The following MRTFA variants were observed in gnomAD, a reference collection of about 807,000 sequenced individuals.
MRTFA encodes the protein myocardin-related transcription factor A.
A neutral mutation model predicts 83.5 loss-of-function variants in MRTFA; 20 were observed. That is an observed-to-expected ratio of 0.24 (90% CI 0.17 to 0.35). The LOEUF (loss-of-function observed/expected upper bound fraction) is 0.35. Ranked by LOEUF, MRTFA falls within the 10% of genes least tolerant of loss-of-function variation. MRTFA has a pLI of 1.00. For synonymous variants in MRTFA, 659 were observed against 541.2 expected (o/e 1.22, Z -3.02); for missense variants, 1,200 against 1,224.7 (o/e 0.98, Z 0.30).
In MRTFA at chr22:40,554,068, T is replaced by G. The variant is rs772737439; in HGVS notation, c.-21-1701A>C. Among the ~76,000 whole-genome samples the G allele has an allele frequency of 1.0e-3, 152 of 152,190 alleles. 2 individuals carry two copies. Among genetic ancestry groups the G allele is most frequent in the Non-Finnish European group, 3.2e-4 (22 of 68,038 alleles). ...TTTGTTTTGGCCAATTTCTCCCCTT[T>G]GGAATGGGTGTATTTACCCAATGCC... On this transcript the variant is annotated intron_variant, in intron 2 of 14. Transcript: ENST00000355630.
intron 4 of MRTFA, among the ~76,000 whole-genome samples, chr22:40,449,123 C>T (rs1355440996): frequency 2.6e-5 from 4 of 151,706 alleles, no homozygotes; most frequent in African/African-American, 9.7e-5. Flanking sequence ...AACAATTAGC[C>T]GGGCGTGGTG....
At chr22:40,539,165 T>A (rs993381663) in intron 3 of MRTFA, among the ~76,000 whole-genome samples, 4 of 150,544 alleles carry the variant, frequency 2.7e-5, no homozygotes, top group African/African-American at 7.3e-5. Context: ...TGGCTAATTT[T>A]TATATATATT....
intron 2 of MRTFA, among the ~76,000 whole-genome samples, chr22:40,568,225 A>G (rs769174810): frequency 6.6e-5 from 10 of 152,350 alleles, no homozygotes; most frequent in Non-Finnish European, 1.3e-4. Context: ...CAGCATGTTC[A>G]TGAATTATTC....
chr22:40,621,779 A>G (rs911993099), intron 1 of MRTFA, among the ~76,000 whole-genome samples: 4 of 152,198 alleles, frequency 2.6e-5, no homozygotes, highest in African/African-American at 7.2e-5. Flanking sequence ...GCTTTGAAAC[A>G]TAATAAAAAT....
At chr22:40,473,692 G>A (rs899908686) in intron 3 of MRTFA, among the ~76,000 whole-genome samples, 1 of 152,170 alleles carries the variant, frequency 6.6e-6, no homozygotes, top group African/African-American at 2.4e-5. Flanking sequence ...GGAACAGGTT[G>A]GGTGCTAGCC....
chr22:40,620,621 T>C (rs939548528), intron 1 of MRTFA, among the ~76,000 whole-genome samples: 2 of 151,916 alleles, frequency 1.3e-5, no homozygotes, highest in Non-Finnish European at 2.9e-5. Flanking sequence ...AAAAGCATGC[T>C]GTGGAGAGAA....
At chr22:40,623,498 A>G (rs929152630) in intron 1 of MRTFA, among the ~76,000 whole-genome samples, 1 of 147,432 alleles carries the variant, frequency 6.8e-6, no homozygotes, top group Non-Finnish European at 1.5e-5. Context: ...CTGTCCTTTA[A>G]GCCAAGGGAG....
intron 3 of MRTFA, among the ~76,000 whole-genome samples, chr22:40,519,888 A>G (rs1480206453): frequency 1.3e-5 from 2 of 152,164 alleles, no homozygotes; most frequent in African/African-American, 4.8e-5. Flanking sequence ...GATAATTTTA[A>G]CCTAAAGGTC....
At chr22:40,598,225 A>G (rs1425993145) in intron 1 of MRTFA, among the ~76,000 whole-genome samples, 1 of 151,882 alleles carries the variant, frequency 6.6e-6, no homozygotes, top group Non-Finnish European at 1.5e-5. Flanking sequence ...CTCCTAGAGA[A>G]TGGATCTTGA....
intron 2 of MRTFA, chr22:40,587,504 CCTT>C (rs2056049416): frequency 3.3e-6 from 1 of 300,830 alleles, no homozygotes; most frequent in Admixed American, 4.7e-5. Flanking sequence ...AAAACAGCCT[CCTT>C]GATTGTCTTG....
chr22:40,512,238 AGTT>A (rs1455531083), intron 3 of MRTFA, among the ~76,000 whole-genome samples: 1 of 152,238 alleles, frequency 6.6e-6, no homozygotes, highest in Non-Finnish European at 1.5e-5. Context: ...TCCTCAAAAA[AGTT>A]GTTTTACAGG....
At chr22:40,572,479 CTA>C (rs956126824) in intron 2 of MRTFA, among the ~76,000 whole-genome samples, 18 of 149,378 alleles carry the variant, frequency 1.2e-4, no homozygotes, top group Admixed American at 4.7e-4. Context: ...CAATGAAACC[CTA>C]TCTCTTAAAA....
chr22:40,411,868 C>T lies in MRTFA; in HGVS notation c.2618G>A (p.Gly873Glu). Residue 873 changes from glycine to glutamate, a missense_variant, in exon 15 of 15, where the codon GGG (glycine) becomes GAG (glutamate). Coordinates refer to ENST00000355630, the MANE Select transcript of MRTFA (RefSeq NM_020831.6). The stretch of plus-strand genomic sequence containing the variant: ...TGTCTTCGGGGATGGCTTCTCCTTC[C>T]CTGGCAGGGATGGCGGCTCCTTGAA... The T allele has an allele frequency of 6.7e-7, 1 of 1,486,044 alleles. No homozygotes were observed. Among genetic ancestry groups the T allele is most frequent in the Non-Finnish European group, 9.0e-7 (1 of 1,116,584 alleles). The allele number at this position is 1,486,044 out of a possible 1,614,324, so 92.1% of individuals were successfully genotyped here.
At chr22:40,605,654 A>T in intron 1 of MRTFA, among the ~76,000 whole-genome samples, 1 of 152,348 alleles carries the variant, frequency 6.6e-6, no homozygotes, top group East Asian at 1.9e-4. Flanking sequence ...TTTTTTACCA[A>T]GAAGAATTTT....
intron 4 of MRTFA, among the ~76,000 whole-genome samples, chr22:40,448,693 T>C (rs981559810): frequency 6.6e-6 from 1 of 152,210 alleles, no homozygotes; most frequent in Non-Finnish European, 1.5e-5. Context: ...CAAATTCTCC[T>C]ATTTCTTTTC....
intron 1 of MRTFA, among the ~76,000 whole-genome samples, chr22:40,635,914 G>A (rs1397412346): frequency 6.6e-6 from 1 of 152,202 alleles, no homozygotes; most frequent in Non-Finnish European, 1.5e-5. Context: ...GGTACCCGAA[G>A]CGGGGAGGGT....
chr22:40,503,074 C>G (rs577665142), intron 3 of MRTFA, among the ~76,000 whole-genome samples: 1 of 152,288 alleles, frequency 6.6e-6, no homozygotes, highest in East Asian at 1.9e-4. Flanking sequence ...CCTCCCTGCT[C>G]TGCTCTATTC....
chr22:40,464,485 G>A (rs909886433), intron 3 of MRTFA, among the ~76,000 whole-genome samples: 11 of 150,956 alleles, frequency 7.3e-5, no homozygotes, highest in Non-Finnish European at 1.3e-4. Context: ...CTCCAGCCTG[G>A]GCAACAGAGC....
intron 1 of MRTFA, among the ~76,000 whole-genome samples, chr22:40,618,275 A>T: frequency 7.3e-6 from 1 of 136,108 alleles, no homozygotes; most frequent in Non-Finnish European, 1.6e-5. Context: ...TTTTTTTAGT[A>T]GAGATGGGGT....
Sources: allele counts gnomAD v4.1 joint callset (sites outside exome capture counted in the v4.1 genomes callset), GRCh38; gene constraint gnomAD v4.1.1; transcripts MANE v1.5; gene names NCBI Gene and HGNC (gene_info 2026-07-23, HGNC 2026-07-21).